PLS3: variants seen among roughly 807,000 people sequenced by gnomAD.
PLS3 encodes plastin 3.
In PLS3, 11 loss-of-function variants were observed where a neutral mutation model predicts 46.5. That is an observed-to-expected ratio of 0.24 (90% CI 0.15 to 0.39). The LOEUF (loss-of-function observed/expected upper bound fraction) is 0.39. Among genes scored for constraint, PLS3 ranks in the 10% least tolerant of loss-of-function variants. The pLI, the probability that PLS3 is intolerant of heterozygous loss-of-function variation, is 1.00. For missense variants in PLS3, 308 were observed against 461.8 expected (o/e 0.67, Z 3.05); for synonymous variants, 167 against 162.2 (o/e 1.03, Z -0.22).
chrX:115,571,293 A>C (rs1250188525), intron 1 of PLS3, among the ~76,000 whole-genome samples: 1 of 111,938 alleles, frequency 8.9e-6, no homozygotes, highest in Non-Finnish European at 1.9e-5. Context: ...CAAGGCGGGC[A>C]AATCACTTCA....
Position 115,647,520 on chromosome X carries a change from G to A in PLS3, c.1512-30G>A, listed in dbSNP as rs374257073. 2.2e-5 allele frequency: 26 copies of A among 1,175,726 alleles called. No individual in the cohort carries two copies. In the African/African-American group the frequency reaches 3.5e-4, roughly 16 times the overall value. On this transcript the variant is annotated intron_variant, in intron 13 of 15. Coordinates refer to ENST00000355899, the MANE Select transcript of PLS3 (RefSeq NM_005032.7). ...TTGCATTTTTCCTCATAAAGTAGAT[G>A]GTGACGTTTTCTTCTGCTGCCTCTC...
At chrX:115,598,877 C>G (rs1163088497) in intron 1 of PLS3, among the ~76,000 whole-genome samples, 2 of 111,175 alleles carry the variant, frequency 1.8e-5, no homozygotes, top group Non-Finnish European at 3.8e-5. Flanking sequence ...CAATTTAACA[C>G]CAATGTTTTA....
chrX:115,585,547 C>G (rs1395936105), intron 1 of PLS3, among the ~76,000 whole-genome samples: 1 of 109,706 alleles, frequency 9.1e-6, no homozygotes, highest in Non-Finnish European at 1.9e-5. Context: ...CCCGCCACCA[C>G]GCCCAGCTAA....
intron 7 of PLS3, among the ~76,000 whole-genome samples, 177 bp from the exon 8 acceptor site, chrX:115,636,659 A>G (rs1366902070): frequency 4.5e-5 from 5 of 112,156 alleles, no homozygotes; most frequent in African/African-American, 1.6e-4. Flanking sequence ...GTATTATGTT[A>G]TTATATCTGT....
At chrX:115,620,948 C>T (rs1222580702) in intron 2 of PLS3, among the ~76,000 whole-genome samples, 8 of 109,303 alleles carry the variant, frequency 7.3e-5, no homozygotes, top group African/African-American at 2.3e-4. Flanking sequence ...CCTGCCTCGG[C>T]CTCCCAAAGT....
intron 1 of PLS3, among the ~76,000 whole-genome samples, chrX:115,605,463 C>CT (rs1482720516): frequency 9.0e-6 from 1 of 111,428 alleles, no homozygotes; most frequent in Non-Finnish European, 1.9e-5. Context: ...TTATTTTTTA[C>CT]TTTTTTTATT....
intron 1 of PLS3, among the ~76,000 whole-genome samples, chrX:115,592,929 T>C (rs1379323342): frequency 9.0e-6 from 1 of 111,523 alleles, no homozygotes; most frequent in East Asian, 2.8e-4. Context: ...TAGAAAATTA[T>C]TTCTAACTGA....
In PLS3 at chrX:115,629,850, C is replaced by A; in HGVS notation, c.383C>A (p.Ala128Asp). The A allele has an allele frequency of 8.9e-7, 1 of 1,123,422 alleles. No homozygotes were observed. Among genetic ancestry groups the A allele is most frequent in the Non-Finnish European group, 1.2e-6 (1 of 822,749 alleles). 92.6% of individuals were successfully genotyped at this position (1,123,422 alleles called of 1,213,427 possible). A position where few individuals can be genotyped will look rare whatever the true frequency, so the allele number is the denominator to read the frequency against. The change falls in exon 5 of 16, where the codon GCT becomes GAT. Residue 128 changes from alanine (A) to aspartate (D), a missense_variant. By Grantham distance (126) the Ala-to-Asp change is moderately radical. Coordinates refer to ENST00000355899, the MANE Select transcript of PLS3 (RefSeq NM_005032.7). ...QHSYSEEEKY[A>D]FVNWINKALE... is the part of the protein sequence containing the mutation. ...ATAATTTTAGAGGAAGAAAAATATG[C>A]TTTTGTTAACTGGATAAACAAAGCT...
chrX:115,620,513 A>C (rs5987944), intron 2 of PLS3, among the ~76,000 whole-genome samples: 1,541 of 109,168 alleles, frequency 0.014, 30 homozygotes, highest in African/African-American at 0.049. Flanking sequence ...AGCACAATTG[A>C]CATTTTAAGC....
intron 3 of PLS3, 63 bp downstream of exon 3, chrX:115,622,472 T>C: frequency 2.7e-6 from 2 of 728,505 alleles, no homozygotes; most frequent in Admixed American, 5.3e-5. Flanking sequence ...AGTGGGATGT[T>C]ATAGTATTAA....
In PLS3 at chrX:115,569,035, C is replaced by CAAAA. The variant is rs782042707; in HGVS notation, c.-9+7791_-9+7794dup. Among the ~76,000 whole-genome samples, 152 of 94,273 alleles carry CAAAA rather than the reference C, an allele frequency of 1.6e-3. 3 individuals are homozygous for CAAAA. The highest frequency in any genetic ancestry group is 6.3e-3 in the African/African-American group (140 of 22,334). 81.9% of individuals were successfully genotyped at this position (94,273 alleles called of 115,157 possible). ...CGGGCAACAGAGCACGACTCCGTTT[C>CAAAA]AAAAAAAAAAAAAAAAAAAGAAGAA... On this transcript the variant is annotated intron_variant, in intron 1 of 15. Coordinates refer to ENST00000355899, the MANE Select transcript of PLS3 (RefSeq NM_005032.7).
intron 5 of PLS3, among the ~76,000 whole-genome samples, chrX:115,631,496 G>C (rs2074775328): frequency 9.0e-6 from 1 of 111,149 alleles, no homozygotes; most frequent in South Asian, 3.8e-4. Context: ...CCCTTTGGGA[G>C]GCAGAGGCAG....
chrX:115,614,403 T>C (rs1290853658), intron 2 of PLS3: 8 of 753,578 alleles, frequency 1.1e-5, no homozygotes, highest in Non-Finnish European at 1.3e-5. Flanking sequence ...TGTCCAGCCT[T>C]CTGCTGTACT....
chrX:115,610,665 T>C (rs1556635993), intron 2 of PLS3: 1 of 311,700 alleles, frequency 3.2e-6, no homozygotes, highest in East Asian at 5.0e-5. Flanking sequence ...CATATCTTTC[T>C]GAAGAGGTTT....
intron 9 of PLS3, 81 bp downstream of exon 9, chrX:115,640,584 C>T (rs1270333169): frequency 7.5e-6 from 4 of 534,649 alleles, no homozygotes; most frequent in South Asian, 3.3e-5. Context: ...TTTTTATAAT[C>T]GTATGAAGTA....
At position 115,650,205 on chromosome X, in the gene PLS3, T is replaced by C. The variant is rs11551495; in HGVS notation, c.*644T>C. The C allele has an allele frequency of 8.9e-6, 1 of 112,109 alleles. No homozygotes were observed. Among genetic ancestry groups the C allele is most frequent in the East Asian group, 2.8e-4 (1 of 3,603 alleles). The allele number at this position is 112,109 out of a possible 1,213,427, so 9.2% of individuals were successfully genotyped here. On this transcript the variant is annotated 3_prime_UTR_variant, in exon 16 of 16. Transcript: ENST00000355899. ...TAAACAAGACTGCTGATTTTGCTAC[T>C]TTTTTTAAGGGGTCTTCAAGTAAGT... is the stretch of plus-strand genomic sequence containing the variant.
intron 15 of PLS3, 89 bp from the exon 16 acceptor site, chrX:115,649,340 A>G: frequency 2.7e-6 from 2 of 740,489 alleles, no homozygotes; most frequent in Admixed American, 3.2e-5. Context: ...GCATCCCAGC[A>G]TAATAATTAT....
At position 115,610,512 on chromosome X, in the gene PLS3, T is replaced by C. The variant is rs782173162; in HGVS notation, c.73+189T>C. On this transcript the variant is annotated intron_variant, in intron 2 of 15. Coordinates refer to ENST00000355899, the MANE Select transcript of PLS3 (RefSeq NM_005032.7). ...CTTTTTTTTTTTTTTGGTCGAGTGGTAGCTGATATTATTTCCAATTTTATG... is the reference window on the plus strand; with the variant it reads ...CTTTTTTTTTTTTTTGGTCGAGTGGCAGCTGATATTATTTCCAATTTTATG... 1.2e-3 allele frequency among the ~76,000 whole-genome samples: 132 copies of C among 107,529 alleles called. 1 individual carries two copies. Among genetic ancestry groups the C allele is most frequent in the African/African-American group, 4.3e-3 (128 of 29,651 alleles). 93.4% of individuals were successfully genotyped at this position (107,529 alleles called of 115,157 possible).
At chrX:115,621,203 C>T (rs924439878) in intron 2 of PLS3, among the ~76,000 whole-genome samples, 6 of 109,024 alleles carry the variant, frequency 5.5e-5, no homozygotes, top group Admixed American at 9.9e-5. Flanking sequence ...TTAGTAGAAA[C>T]GGGGTTTCAC....
Sources: gnomAD v4.1 joint callset for allele counts (sites outside exome capture counted in the v4.1 genomes callset) on GRCh38, gnomAD v4.1.1 for gene constraint, MANE v1.5 for transcripts, NCBI Gene and HGNC (gene_info 2026-07-23, HGNC 2026-07-21) for gene names.